PAX5: variants seen among roughly 807,000 people sequenced by gnomAD.
PAX5 encodes paired box protein Pax-5.
In PAX5, 9 loss-of-function variants were observed where a neutral mutation model predicts 43.7. The observed-to-expected ratio is 0.21, with a 90% CI of 0.12 to 0.36. The LOEUF is 0.36. PAX5 is among the 10% of genes least tolerant of loss of function. The probability of loss-of-function intolerance (pLI) is 1.00; values close to 1 mark genes in which losing one functional copy is unlikely to be tolerated. For missense variants in PAX5, 383 were observed against 532.7 expected (o/e 0.72, Z 2.77); for synonymous variants, 228 against 214.3 (o/e 1.06, Z -0.56).
chr9:36,882,235 C>T lies in PAX5; in HGVS notation c.911-130G>A. On this transcript the variant is annotated intron_variant, in intron 7 of 9. Coordinates refer to ENST00000358127, the MANE Select transcript of PAX5 (RefSeq NM_016734.3). This position sits in a 1 kb window ranked among gnomAD's most constrained non-coding sequence, Gnocchi z 4.4. ...GAACGGCAATGTGCCCCCAGCTCCC[C>T]CCTGTCGCTCACACGCTCTCACAAA... 1.6e-6 allele frequency: 1 copy of T among 644,324 alleles called. No individual in the cohort carries two copies. Among genetic ancestry groups the T allele is most frequent in the Non-Finnish European group, 2.7e-6 (1 of 375,638 alleles). The allele number at this position is 644,324 out of a possible 1,614,324, so 39.9% of individuals were successfully genotyped here.
At chr9:36,959,383 A>G (rs1833764012) in intron 6 of PAX5, among the ~76,000 whole-genome samples, 1 of 152,216 alleles carries the variant, frequency 6.6e-6, no homozygotes, top group Non-Finnish European at 1.5e-5. Flanking sequence ...AGCTTGGGCT[A>G]TTAGTGAGTT....
At chr9:37,028,157 C>T (rs1217788735) in intron 1 of PAX5, among the ~76,000 whole-genome samples, 1 of 152,178 alleles carries the variant, frequency 6.6e-6, no homozygotes, top group East Asian at 1.9e-4. Context: ...ACAAGGAGCG[C>T]AGTAGGGATC....
chr9:36,921,315 C>T (rs939706880), intron 7 of PAX5, among the ~76,000 whole-genome samples: 4 of 152,246 alleles, frequency 2.6e-5, no homozygotes, highest in Non-Finnish European at 5.9e-5. Flanking sequence ...GAACACTCTC[C>T]TCTGGGATCT....
intron 1 of PAX5, among the ~76,000 whole-genome samples, chr9:37,030,451 G>T (rs1278871286): frequency 6.6e-6 from 1 of 152,212 alleles, no homozygotes; most frequent in Non-Finnish European, 1.5e-5. Flanking sequence ...CCCACGAGCC[G>T]CAGCCTGGGT....
chr9:36,926,768 G>T (rs1014989004), intron 6 of PAX5, among the ~76,000 whole-genome samples: 1 of 152,124 alleles, frequency 6.6e-6, no homozygotes, highest in African/African-American at 2.4e-5. Context: ...GCGTGCATTC[G>T]TTCAACCTTT....
chr9:36,952,206 G>GT (rs1202378956), intron 6 of PAX5, among the ~76,000 whole-genome samples: 1 of 59,888 alleles, frequency 1.7e-5, no homozygotes, highest in South Asian at 6.6e-4. Context: ...GAGTCCTTCT[G>GT]TTTTTTTAAT....
chr9:36,955,207 G>C (rs1999145), intron 6 of PAX5, among the ~76,000 whole-genome samples: 109,949 of 151,792 alleles, frequency 0.72, 40,230 homozygotes, highest in South Asian at 0.84. Context: ...TACTCATTTT[G>C]CCCGTTATGT....
chr9:37,025,016 A>G (rs754904447), intron 1 of PAX5, among the ~76,000 whole-genome samples: 8 of 152,212 alleles, frequency 5.3e-5, no homozygotes, highest in Non-Finnish European at 7.3e-5. Context: ...TTGGGCTTAC[A>G]TTGCAAGATC....
At chr9:36,974,109 G>C (rs141226077) in intron 5 of PAX5, among the ~76,000 whole-genome samples, 1 of 152,184 alleles carries the variant, frequency 6.6e-6, no homozygotes. Flanking sequence ...GAGCCCAGGA[G>C]TTCAAGGCTT....
intron 4 of PAX5, among the ~76,000 whole-genome samples, chr9:37,006,035 A>G (rs1838360469): frequency 6.6e-6 from 1 of 152,254 alleles, no homozygotes. Flanking sequence ...AACTTTTGCC[A>G]CATCTTCACT....
At chr9:36,891,474 T>C (rs1470347321) in intron 7 of PAX5, among the ~76,000 whole-genome samples, 1 of 152,238 alleles carries the variant, frequency 6.6e-6, no homozygotes, top group Non-Finnish European at 1.5e-5. Context: ...TGTGGCAGTT[T>C]GAACAGGGTT....
chr9:36,964,972 C>T (rs993588970), intron 6 of PAX5, among the ~76,000 whole-genome samples: 1 of 152,162 alleles, frequency 6.6e-6, no homozygotes, highest in Non-Finnish European at 1.5e-5. Context: ...CACACCGGCT[C>T]TCTCCATTCC....
intron 6 of PAX5, among the ~76,000 whole-genome samples, chr9:36,959,128 C>T (rs1256169138): frequency 6.6e-6 from 1 of 152,206 alleles, no homozygotes; most frequent in Non-Finnish European, 1.5e-5. Context: ...CCTTCAGTGC[C>T]CCTTCCGGTG....
At chr9:36,849,118 G>C (rs1056420653) in intron 8 of PAX5, among the ~76,000 whole-genome samples, 1 of 152,188 alleles carries the variant, frequency 6.6e-6, no homozygotes, top group Non-Finnish European at 1.5e-5. Flanking sequence ...AGGGGAATCC[G>C]TTGTACGTGG....
intron 2 of PAX5, among the ~76,000 whole-genome samples, chr9:37,016,863 G>A (rs528323216): frequency 1.3e-5 from 2 of 152,308 alleles, no homozygotes; most frequent in South Asian, 2.1e-4. Flanking sequence ...GGCCAAGTTA[G>A]TGAATATCCT....
chr9:36,861,983 T>G (rs1824260646), intron 8 of PAX5, among the ~76,000 whole-genome samples: 1 of 152,060 alleles, frequency 6.6e-6, no homozygotes, highest in South Asian at 2.1e-4. Context: ...CTTTCTATCC[T>G]AATGCCACAA....
chr9:36,947,776 C>T (rs191525579), intron 6 of PAX5, among the ~76,000 whole-genome samples: 13 of 151,858 alleles, frequency 8.6e-5, no homozygotes, highest in African/African-American at 2.4e-4. Context: ...GCACACCTCA[C>T]ACTTTGGCCA....
At chr9:37,012,312 C>T (rs1260747594) in intron 3 of PAX5, among the ~76,000 whole-genome samples, 3 of 152,200 alleles carry the variant, frequency 2.0e-5, no homozygotes, top group Admixed American at 6.5e-5. Flanking sequence ...CTCCTTTTAC[C>T]GTTGGGAAAC....
At chr9:36,921,321 G>A (rs1036666220) in intron 7 of PAX5, among the ~76,000 whole-genome samples, 1 of 152,166 alleles carries the variant, frequency 6.6e-6, no homozygotes, top group African/African-American at 2.4e-5. Flanking sequence ...TCTCCTCTGG[G>A]ATCTCATTTG....
Sources: gnomAD v4.1 joint callset for allele counts (sites outside exome capture counted in the v4.1 genomes callset) on GRCh38, gnomAD v4.1.1 for gene constraint, Gnocchi (gnomAD v3.1) non-coding constraint, MANE v1.5 for transcripts, NCBI Gene and HGNC (gene_info 2026-07-23, HGNC 2026-07-21) for gene names.